Variants in ANKK1 observed in about 807,000 individuals in gnomAD.
ANKK1 encodes ankyrin repeat and protein kinase domain-containing protein 1.
In ANKK1, 37 loss-of-function variants were observed where a neutral mutation model predicts 37.6. The ratio of observed to expected loss-of-function variants is 0.98; its 90% CI spans 0.76 to 1.29. The LOEUF (loss-of-function observed/expected upper bound fraction) is 1.29, where lower values mean the gene tolerates loss of function less well. Ranked by LOEUF, ANKK1 falls within the 50% of genes most tolerant of loss-of-function variation. The probability of loss-of-function intolerance (pLI) is 0.00; values close to 1 mark genes in which losing one functional copy is unlikely to be tolerated. For synonymous variants in ANKK1, 415 were observed against 418.7 expected, an observed-to-expected ratio of 0.99 and a Z score of 0.11; for missense variants, 1,019 against 990.6, an observed-to-expected ratio of 1.03 and a Z score of -0.39.
chr11:113,393,949 G>A (rs1163859670), intron 2 of ANKK1, among the ~76,000 whole-genome samples, 174 bp downstream of exon 2: 1 of 152,158 alleles, frequency 6.6e-6, no homozygotes, highest in African/African-American at 2.4e-5. Flanking sequence ...TGAAATTTGG[G>A]GCATAAGGCT....
intron 1 of ANKK1, among the ~76,000 whole-genome samples, 191 bp downstream of exon 1, chr11:113,388,260 G>A (rs1160840363): frequency 6.6e-6 from 1 of 152,160 alleles, no homozygotes; most frequent in African/African-American, 2.4e-5. Context: ...AACCAAAATA[G>A]AGTTGGCACA....
chr11:113,398,097 CT>C (rs1950654251), intron 7 of ANKK1, 81 bp downstream of exon 7: 7 of 1,491,428 alleles, frequency 4.7e-6, no homozygotes, highest in Non-Finnish European at 6.4e-6. Context: ...CCCCATCCCC[CT>C]GGCCTCCCCC....
chr11:113,399,724 C>G lies in ANKK1; in HGVS notation c.1755C>G (p.Ser585Arg). ...ICKMLLRYGA[S>R]LELPTHQGWT... ...AGATGCTGCTCAGGTACGGAGCCAG[C>G]CTTGAGCTGCCCACCCACCAGGGCT... Residue 585 changes from serine (S) to arginine (R), a missense_variant, in exon 8 of 8, where the codon AGC becomes AGG. Coordinates refer to ENST00000303941, the MANE Select transcript of ANKK1 (RefSeq NM_178510.2). The G allele has an allele frequency of 6.3e-7, 1 of 1,599,838 alleles. No homozygotes were observed. Among genetic ancestry groups the G allele is most frequent in the Non-Finnish European group, 8.5e-7 (1 of 1,173,396 alleles).
Position 113,387,989 on chromosome 11 carries a change from G to C in ANKK1, c.105G>C (p.Gln35His), listed in dbSNP as rs775048985. ...TAGTGGCCAGCGGCGGCTTCAGCCA[G>C]GTGTTCCAGGCGCGGCACAGGCGCT... The part of the protein sequence containing the change: ...WRLVASGGFS[Q>H]VFQARHRRWR... The change falls in exon 1 of 8, where the codon CAG becomes CAC. Residue 35 changes from glutamine to histidine, a missense_variant. Coordinates refer to ENST00000303941, the MANE Select transcript of ANKK1 (RefSeq NM_178510.2). The C allele has an allele frequency of 2.5e-6, 4 of 1,571,214 alleles. 1 individual carries two copies. In the South Asian group the frequency reaches 4.6e-5, roughly 18 times the overall value.
At chr11:113,393,868 G>A (rs1950613580) in intron 2 of ANKK1, 93 bp downstream of exon 2, 1 of 1,366,566 alleles carries the variant, frequency 7.3e-7, no homozygotes, top group Admixed American at 2.5e-5. Flanking sequence ...CCTGTCAAGG[G>A]TTTTAAGCAG....
At chr11:113,395,224 G>C in intron 3 of ANKK1, 135 bp from the exon 4 acceptor site, 1 of 1,490,220 alleles carries the variant, frequency 6.7e-7, no homozygotes, top group Non-Finnish European at 9.1e-7. Flanking sequence ...GAGAGGCAGA[G>C]GGCTGGGGAG....
intron 6 of ANKK1, among the ~76,000 whole-genome samples, 196 bp from the exon 7 acceptor site, chr11:113,397,784 A>C (rs1950651198): frequency 1.3e-5 from 2 of 152,152 alleles, no homozygotes; most frequent in Non-Finnish European, 2.9e-5. Context: ...CTCTTTCTGG[A>C]GGGTTTCTCC....
At chr11:113,393,845 C>T (rs1950613334) in intron 2 of ANKK1, 70 bp downstream of exon 2, 1 of 1,484,498 alleles carries the variant, frequency 6.7e-7, no homozygotes. Context: ...GAATTATCCA[C>T]CTGCCTGACC....
At chr11:113,396,312 A>G in intron 5 of ANKK1, 90 bp downstream of exon 5, 3 of 1,475,436 alleles carry the variant, frequency 2.0e-6, no homozygotes, top group Admixed American at 4.3e-5. Context: ...CTATGCAGAG[A>G]GACACTTTTG....
rs1413130899 is a variant in ANKK1 at position 113,399,887 on chromosome 11, G to A, written c.1918G>A (p.Ala640Thr). 2.5e-6 allele frequency: 4 copies of A among 1,613,230 alleles called. No individual in the cohort carries two copies. Among genetic ancestry groups the A allele is most frequent in the Non-Finnish European group, 3.4e-6 (4 of 1,179,834 alleles). ...LHLAARHGEE[A>T]VVSALLQCGA... ...CCTAGCTGCACGCCACGGGGAGGAG[G>A]CGGTGGTGTCAGCACTGCTGCAGTG... is the stretch of plus-strand genomic sequence containing the variant. The change falls in exon 8 of 8, where the codon GCG (alanine) becomes ACG (threonine). Residue 640 changes from alanine (A) to threonine (T), a missense_variant. Coordinates refer to ENST00000303941, the MANE Select transcript of ANKK1 (RefSeq NM_178510.2).
At chr11:113,390,936 A>C (rs749306969) in intron 1 of ANKK1, among the ~76,000 whole-genome samples, 1 of 152,234 alleles carries the variant, frequency 6.6e-6, no homozygotes, top group African/African-American at 2.4e-5. Context: ...ATATCTAAGA[A>C]GGGTTGAGAA....
Position 113,387,860 on chromosome 11 carries a change from G to C in ANKK1, c.-25G>C. ...CAGCAGCCACAGCGGGGAGTGCGCG[G>C]CGCGGGGACAGGAAGAGAGGGGCAA... On this transcript the variant is annotated 5_prime_UTR_variant, in exon 1 of 8. Coordinates refer to ENST00000303941, the MANE Select transcript of ANKK1 (RefSeq NM_178510.2). 6.8e-7 allele frequency: 1 copy of C among 1,478,074 alleles called. No homozygotes were observed. The highest frequency in any genetic ancestry group is 9.0e-7 in the Non-Finnish European group (1 of 1,112,362). 91.6% of individuals were successfully genotyped at this position (1,478,074 alleles called of 1,614,324 possible).
Position 113,395,027 on chromosome 11 carries a change from T to C in ANKK1, c.579T>C (p.Pro193=). The C allele has an allele frequency of 6.2e-7, 1 of 1,613,242 alleles. No individual in the cohort carries two copies. Among genetic ancestry groups the C allele is most frequent in the East Asian group, 2.2e-5 (1 of 44,860 alleles). ...ALRGMLSYIP[P]EMFLESNKAP... is the part of the protein sequence containing the mutation. ...GGGGCATGCTCAGCTACATCCCCCC[T>C]GAGATGTTCCTGGAGAGTAACAAGG... Residue 193 remains proline, a synonymous_variant, in exon 3 of 8, where the codon CCT becomes CCC. Transcript: ENST00000303941.
chr11:113,391,917 C>T (rs746572494), intron 1 of ANKK1, among the ~76,000 whole-genome samples: 5 of 152,022 alleles, frequency 3.3e-5, no homozygotes, highest in East Asian at 3.9e-4. Flanking sequence ...GCTCAAGTAA[C>T]GAAGTTTCAA....
chr11:113,396,337 A>T, intron 5 of ANKK1, 115 bp downstream of exon 5: 1 of 1,290,296 alleles, frequency 7.8e-7, no homozygotes, highest in Non-Finnish European at 1.0e-6. Flanking sequence ...TACGGCCTAG[A>T]AGGACTTTTT....
chr11:113,388,365 G>A (rs912741383), intron 1 of ANKK1, among the ~76,000 whole-genome samples: 5 of 152,166 alleles, frequency 3.3e-5, no homozygotes, highest in Non-Finnish European at 7.3e-5. Context: ...AACTTGTCCT[G>A]CCTGCTTCCA....
chr11:113,394,925 C>T lies in ANKK1; in HGVS notation c.481-4C>T, dbSNP rs200549519. On this transcript the variant is annotated splice_polypyrimidine_tract_variant and splice_region_variant and intron_variant, in intron 2 of 7. Coordinates refer to ENST00000303941, the MANE Select transcript of ANKK1 (RefSeq NM_178510.2). ...GCTTTATCTCTGCCCCTGCCTTCTC[C>T]CAGATTTCAGACTTCGGCCTGTCCA... 6 of 1,604,948 alleles carry T rather than the reference C, an allele frequency of 3.7e-6. No homozygotes were observed. The East Asian group carries it at 1.1e-4, about 30-fold the overall frequency.
intron 1 of ANKK1, among the ~76,000 whole-genome samples, chr11:113,389,915 G>C (rs1565648447): frequency 6.6e-6 from 1 of 152,200 alleles, no homozygotes; most frequent in Non-Finnish European, 1.5e-5. Context: ...TGCATTGGGA[G>C]GGGTAGAGTG....
chr11:113,393,715 T>A lies in ANKK1; in HGVS notation c.420T>A (p.Pro140=). ...AMNFLHSIKP[P]LLHLDLKPGN... ...ACTTCCTGCACAGCATTAAGCCGCC[T>A]CTGCTCCACCTGGACCTCAAGCCGG... Residue 140 remains proline (P), a synonymous_variant, in exon 2 of 8, where the codon CCT becomes CCA. Transcript: ENST00000303941. The A allele has an allele frequency of 1.2e-6, 2 of 1,613,614 alleles. No homozygotes were observed. Among genetic ancestry groups the A allele is most frequent in the Non-Finnish European group, 8.5e-7 (1 of 1,179,852 alleles).
Sources: gnomAD v4.1 joint callset for allele counts (sites outside exome capture counted in the v4.1 genomes callset) on GRCh38, gnomAD v4.1.1 for gene constraint, MANE v1.5 for transcripts, NCBI Gene and HGNC (gene_info 2026-07-23, HGNC 2026-07-21) for gene names.